LHFPL3: variants seen among roughly 807,000 people sequenced by gnomAD.
LHFPL3 encodes the protein LHFPL tetraspan subfamily member 3 protein.
LHFPL3 carries 5 observed loss-of-function variants against 19.3 expected under a neutral mutation model. The observed-to-expected ratio is 0.26, with a 90% CI of 0.14 to 0.54. The LOEUF is 0.54. LHFPL3 is among the 20% of genes least tolerant of loss of function. The probability of loss-of-function intolerance (pLI) is 0.94; values close to 1 mark genes in which losing one functional copy is unlikely to be tolerated. For synonymous variants in LHFPL3, 133 were observed against 126.2 expected (o/e 1.05, Z -0.36); for missense variants, 249 against 307.4 (o/e 0.81, Z 1.42).
intron 1 of LHFPL3, among the ~76,000 whole-genome samples, chr7:104,707,905 CA>C (rs1242841254): frequency 6.6e-6 from 1 of 152,166 alleles, no homozygotes; most frequent in Non-Finnish European, 1.5e-5. Context: ...GCTGAGAAAA[CA>C]AAAGTAGTCT....
At chr7:104,365,797 A>AAAAAAAAAAAG (rs1554381866) in intron 1 of LHFPL3, among the ~76,000 whole-genome samples, 22,963 of 124,276 alleles carry the variant, frequency 0.18, 3,188 homozygotes, top group East Asian at 0.29. Context: ...CAAAAAAAAA[A>AAAAAAAAAAAG]AAAAAAAAGA....
Position 104,425,549 on chromosome 7 carries a change from A to G in LHFPL3, c.445+96325A>G, listed in dbSNP as rs146045134. 4.8e-4 allele frequency among the ~76,000 whole-genome samples: 73 copies of G among 152,330 alleles called. No individual in the cohort carries two copies. The East Asian group carries it at 0.014, about 29-fold the overall frequency. On this transcript the variant is annotated intron_variant, in intron 1 of 2. Transcript: ENST00000424859. ...AACAGATGATTTTATATATATGTATATACAAAATTTTCACAAGGGGAAAAA... is the reference window on the plus strand; with the variant it reads ...AACAGATGATTTTATATATATGTATGTACAAAATTTTCACAAGGGGAAAAA...
intron 1 of LHFPL3, among the ~76,000 whole-genome samples, chr7:104,332,223 CTTTTTTTTTTTT>C (rs1183733733): frequency 1.6e-5 from 1 of 63,936 alleles, no homozygotes; most frequent in Admixed American, 2.5e-4. Flanking sequence ...TATTTCTTTT[CTTTTTTTTTTTT>C]TTTTTTTTTT....
intron 1 of LHFPL3, among the ~76,000 whole-genome samples, chr7:104,521,587 C>T (rs1368623064): frequency 6.6e-6 from 1 of 152,008 alleles, no homozygotes; most frequent in Non-Finnish European, 1.5e-5. Flanking sequence ...AAACTACCAT[C>T]AGAGTGAACA....
chr7:104,722,958 T>C (rs1402462735), intron 1 of LHFPL3, among the ~76,000 whole-genome samples: 1 of 152,204 alleles, frequency 6.6e-6, no homozygotes, highest in African/African-American at 2.4e-5. Flanking sequence ...TTCACAACGT[T>C]AAAAGCCCCA....
At chr7:104,352,078 T>A (rs1790187688) in intron 1 of LHFPL3, among the ~76,000 whole-genome samples, 1 of 151,668 alleles carries the variant, frequency 6.6e-6, no homozygotes, top group Admixed American at 6.6e-5. Context: ...GGCAGGAGGA[T>A]CCTTTGAGCT....
intron 1 of LHFPL3, among the ~76,000 whole-genome samples, chr7:104,617,994 T>C (rs572220193): frequency 6.6e-6 from 1 of 152,314 alleles, no homozygotes; most frequent in South Asian, 2.1e-4. Flanking sequence ...TACAGACTAG[T>C]TGAGTGTGCA....
chr7:104,790,772 T>C (rs1790009521), intron 2 of LHFPL3, among the ~76,000 whole-genome samples: 1 of 152,166 alleles, frequency 6.6e-6, no homozygotes, highest in African/African-American at 2.4e-5. Context: ...ATTTTTTACC[T>C]TGGGCAAGTC....
In LHFPL3 at chr7:104,357,196, T is replaced by G. The variant is rs141522884; in HGVS notation, c.445+27972T>G. On this transcript the variant is annotated intron_variant, in intron 1 of 2. Coordinates refer to ENST00000424859, the MANE Select transcript of LHFPL3 (RefSeq NM_199000.3). ...TCTTCACCTACTGTACCTAAAGAGCTAAGTAGTAAAGACATCCATGTTCTT... is the reference window on the plus strand; with the variant it reads ...TCTTCACCTACTGTACCTAAAGAGCGAAGTAGTAAAGACATCCATGTTCTT... 3.0e-3 allele frequency among the ~76,000 whole-genome samples: 450 copies of G among 152,322 alleles called. 3 individuals carry two copies. The highest frequency in any genetic ancestry group is 4.5e-3 in the Non-Finnish European group (306 of 68,026).
intron 1 of LHFPL3, among the ~76,000 whole-genome samples, chr7:104,400,035 C>T (rs1237883656): frequency 5.3e-5 from 7 of 132,668 alleles, no homozygotes; most frequent in South Asian, 5.0e-4. Context: ...ACCTGGGAGG[C>T]GGAGGTTACA....
At chr7:104,593,655 T>G (rs1378398339) in intron 1 of LHFPL3, among the ~76,000 whole-genome samples, 4 of 152,188 alleles carry the variant, frequency 2.6e-5, no homozygotes, top group Non-Finnish European at 5.9e-5. Flanking sequence ...AGTCTCCCAT[T>G]ATTATTGTTT....
chr7:104,884,991 G>A (rs1229831578), intron 2 of LHFPL3, among the ~76,000 whole-genome samples: 1 of 152,164 alleles, frequency 6.6e-6, no homozygotes, highest in Non-Finnish European at 1.5e-5. Context: ...GCAGGGGAGA[G>A]GGAAGAGGAG....
chr7:104,451,515 A>G (rs1792438388), intron 1 of LHFPL3, among the ~76,000 whole-genome samples: 2 of 152,226 alleles, frequency 1.3e-5, no homozygotes, highest in South Asian at 4.1e-4. Flanking sequence ...TAATATACAT[A>G]AAAACGATCA....
intron 1 of LHFPL3, among the ~76,000 whole-genome samples, chr7:104,521,769 A>G (rs1794068617): frequency 6.6e-6 from 1 of 152,220 alleles, no homozygotes; most frequent in Non-Finnish European, 1.5e-5. Flanking sequence ...TTATGTAGCC[A>G]AAAAACACAT....
chr7:104,708,005 C>T (rs1177622874), intron 1 of LHFPL3, among the ~76,000 whole-genome samples: 2 of 152,204 alleles, frequency 1.3e-5, no homozygotes, highest in Non-Finnish European at 2.9e-5. Context: ...CATCAGCAGT[C>T]AAGAACAGGT....
chr7:104,647,369 A>G (rs1256358235), intron 1 of LHFPL3, among the ~76,000 whole-genome samples: 2 of 152,160 alleles, frequency 1.3e-5, no homozygotes, highest in Middle Eastern at 3.2e-3. Flanking sequence ...TGAGCTAGTG[A>G]TTTCTGACTG....
intron 1 of LHFPL3, among the ~76,000 whole-genome samples, chr7:104,359,882 G>GA (rs1234650705): frequency 2.6e-5 from 4 of 152,238 alleles, no homozygotes; most frequent in Non-Finnish European, 4.4e-5. Context: ...TTGTATGTTG[G>GA]ATGTATAAGA....
intron 1 of LHFPL3, among the ~76,000 whole-genome samples, chr7:104,339,672 G>T (rs1186959883): frequency 6.6e-6 from 1 of 152,250 alleles, no homozygotes; most frequent in Non-Finnish European, 1.5e-5. Flanking sequence ...CAAGGAAGGA[G>T]CTGCTCTTTG....
chr7:104,783,942 C>T (rs10282719), intron 2 of LHFPL3, among the ~76,000 whole-genome samples: 2,760 of 152,266 alleles, frequency 0.018, 78 homozygotes, highest in African/African-American at 0.062. Flanking sequence ...ACAGAAGTGA[C>T]GCTAGTTTGC....
Sources: gnomAD v4.1 joint callset for allele counts (sites outside exome capture counted in the v4.1 genomes callset) on GRCh38, gnomAD v4.1.1 for gene constraint, MANE v1.5 for transcripts, NCBI Gene and HGNC (gene_info 2026-07-23, HGNC 2026-07-21) for gene names.